LMLN: variants seen among roughly 807,000 people sequenced by gnomAD.
LMLN encodes the protein leishmanolysin-like peptidase.
LMLN carries 70 observed loss-of-function variants against 92.3 expected under a neutral mutation model. The ratio of observed to expected loss-of-function variants is 0.76; its 90% CI spans 0.63 to 0.92. The LOEUF (loss-of-function observed/expected upper bound fraction) is 0.92, where lower values mean the gene tolerates loss of function less well. Ranked by LOEUF, LMLN falls within the 40% of genes least tolerant of loss-of-function variation. The pLI is 0.00. For synonymous variants in LMLN, 308 were observed against 296.2 expected (o/e 1.04, Z -0.41); for missense variants, 691 against 814.6 (o/e 0.85, Z 1.85).
intron 1 of LMLN, among the ~76,000 whole-genome samples, chr3:197,961,480 CT>C (rs1720881915): frequency 6.6e-6 from 1 of 152,128 alleles, no homozygotes; most frequent in African/African-American, 2.4e-5. Context: ...GAGTTTATAG[CT>C]TTTTTGCAGC....
At chr3:197,976,167 T>G (rs1348763991) in intron 4 of LMLN, 56 bp downstream of exon 4, 3 of 1,059,746 alleles carry the variant, frequency 2.8e-6, no homozygotes, top group Non-Finnish European at 4.3e-6. Flanking sequence ...TCTGCCTTTC[T>G]CGTTCTATGA....
At chr3:197,974,937 A>G in intron 2 of LMLN, 105 bp from the exon 3 acceptor site, 1 of 743,294 alleles carries the variant, frequency 1.3e-6, no homozygotes, top group Non-Finnish European at 2.4e-6. Flanking sequence ...CCATAGGCAG[A>G]GCAGGCCCAA....
At chr3:198,039,754 T>TGTCA (rs1723346956) in exon 16 of LMLN, 1 of 152,270 alleles carries the variant, frequency 6.6e-6, no homozygotes, top group Admixed American at 6.5e-5. Flanking sequence ...GCAGAACTGC[T>TGTCA]GTCAGTGTGC....
chr3:198,023,644 A>T (rs1433502474), intron 13 of LMLN, among the ~76,000 whole-genome samples: 1 of 152,250 alleles, frequency 6.6e-6, no homozygotes, highest in African/African-American at 2.4e-5. Context: ...ATAATATTTT[A>T]AAATGGGCTA....
At chr3:197,983,139 A>T (rs1721605101) in intron 6 of LMLN, among the ~76,000 whole-genome samples, 1 of 152,262 alleles carries the variant, frequency 6.6e-6, no homozygotes, top group Non-Finnish European at 1.5e-5. Flanking sequence ...CTATGAAGAA[A>T]ATATAAAGTA....
intron 14 of LMLN, 109 bp downstream of exon 15, chr3:198,024,897 T>G: frequency 1.2e-6 from 1 of 818,586 alleles, no homozygotes. Flanking sequence ...AATTTACTGA[T>G]CAATACTGTA....
intron 6 of LMLN, among the ~76,000 whole-genome samples, chr3:197,983,539 C>A (rs1423624902): frequency 6.6e-6 from 1 of 152,188 alleles, no homozygotes; most frequent in African/African-American, 2.4e-5. Flanking sequence ...GCAATCTGAA[C>A]CACTCATTTA....
At chr3:197,964,398 TG>T (rs1720989450) in intron 1 of LMLN, among the ~76,000 whole-genome samples, 1 of 151,274 alleles carries the variant, frequency 6.6e-6, no homozygotes, top group Admixed American at 6.6e-5. Flanking sequence ...TTTTGTTTTT[TG>T]TTTTTTGTTT....
chr3:197,970,310 T>G (rs989616568), intron 1 of LMLN, among the ~76,000 whole-genome samples: 13 of 151,960 alleles, frequency 8.6e-5, no homozygotes, highest in Non-Finnish European at 1.5e-4. Context: ...CCACTCCAGG[T>G]TTGGTGATTG....
chr3:198,021,747 G>T, intron 13 of LMLN, 142 bp downstream of exon 14: 1 of 649,878 alleles, frequency 1.5e-6, no homozygotes, highest in Non-Finnish European at 2.5e-6. Flanking sequence ...TATGTAAGAA[G>T]TGACTTAACT....
chr3:197,998,427 T>C (rs1007765218), intron 10 of LMLN, among the ~76,000 whole-genome samples: 5 of 152,184 alleles, frequency 3.3e-5, no homozygotes, highest in East Asian at 1.9e-4. Context: ...GGTTTTTTTT[T>C]CCTTAAGAAA....
chr3:198,006,749 G>A (rs1379487672), intron 11 of LMLN, among the ~76,000 whole-genome samples: 3 of 150,652 alleles, frequency 2.0e-5, no homozygotes, highest in East Asian at 1.9e-4. Flanking sequence ...GTTTTGCTCC[G>A]TCACCCAGGC....
rs1047932441 is a variant in LMLN at position 198,025,742 on chromosome 3, T to G, written c.1656+954T>G. 6.6e-6 allele frequency among the ~76,000 whole-genome samples: 1 copy of G among 152,232 alleles called. No homozygotes were observed. The highest frequency in any genetic ancestry group is 2.1e-4 in the South Asian group (1 of 4,834). ...TCACCTTATTAAGGACTTATAAAGATGTAGCCATTCTGTGACTTAGGAGCA... is the reference window on the plus strand; with the variant it reads ...TCACCTTATTAAGGACTTATAAAGAGGTAGCCATTCTGTGACTTAGGAGCA... On this transcript the variant is annotated intron_variant, in intron 14 of 15. Transcript: ENST00000330198. This position sits in a 1 kb window ranked among gnomAD's most constrained non-coding sequence, Gnocchi z 4.3.
chr3:197,983,111 T>C (rs1182625995), intron 6 of LMLN, among the ~76,000 whole-genome samples: 7 of 152,404 alleles, frequency 4.6e-5, no homozygotes, highest in African/African-American at 1.4e-4. Context: ...TTTCTAATTC[T>C]GTGTCTGTTG....
At chr3:198,032,125 A>C (rs944309855) in intron 14 of LMLN, among the ~76,000 whole-genome samples, 4 of 151,816 alleles carry the variant, frequency 2.6e-5, no homozygotes, top group Non-Finnish European at 4.4e-5. Context: ...AAAGAAAAGA[A>C]AAGTGCCTGG....
intron 11 of LMLN, among the ~76,000 whole-genome samples, chr3:198,017,708 A>G (rs942677019): frequency 2.0e-5 from 3 of 152,108 alleles, no homozygotes; most frequent in Non-Finnish European, 4.4e-5. Context: ...CACGAGGTCC[A>G]GAGATTGAGA....
intron 11 of LMLN, 64 bp downstream of exon 12, chr3:198,003,189 C>A: frequency 1.0e-6 from 1 of 973,006 alleles, no homozygotes; most frequent in Non-Finnish European, 1.5e-6. Context: ...TATTCTTTAT[C>A]CTGAGCCTAA....
intron 1 of LMLN, among the ~76,000 whole-genome samples, chr3:197,963,694 T>G (rs1328222260): frequency 6.6e-5 from 10 of 152,240 alleles, no homozygotes; most frequent in Non-Finnish European, 1.0e-4. Flanking sequence ...GTTTCCTCCC[T>G]TACAATTTTT....
At chr3:197,972,702 A>T (rs1376953337) in intron 1 of LMLN, among the ~76,000 whole-genome samples, 3 of 146,240 alleles carry the variant, frequency 2.1e-5, no homozygotes, top group Admixed American at 6.9e-5. Context: ...TCTCTGAATA[A>T]TTTTTTTTTT....
Sources: allele counts gnomAD v4.1 joint callset (sites outside exome capture counted in the v4.1 genomes callset), GRCh38; gene constraint gnomAD v4.1.1; non-coding constraint Gnocchi (gnomAD v3.1); transcripts MANE v1.5; gene names NCBI Gene and HGNC (gene_info 2026-07-23, HGNC 2026-07-21).